Variants in NAV3 observed in about 807,000 individuals in gnomAD.
NAV3 encodes pore membrane and/or filament interacting like protein 1.
In NAV3, 87 loss-of-function variants were observed where a neutral mutation model predicts 244.7. The ratio of observed to expected loss-of-function variants is 0.36; its 90% confidence interval spans 0.30 to 0.42. The LOEUF is 0.42. Ranked by LOEUF, NAV3 falls within the 20% of genes least tolerant of loss-of-function variation. The probability of loss-of-function intolerance (pLI) is 1.00; values close to 1 mark genes in which losing one functional copy is unlikely to be tolerated. For missense variants in NAV3, 2,663 were observed against 2,893.3 expected, an observed-to-expected ratio of 0.92 and a Z score of 1.83; for synonymous variants, 1,126 against 1,042.2, an observed-to-expected ratio of 1.08 and a Z score of -1.55.
At chr12:77,953,992 A>G (rs970460592) in intron 3 of NAV3, among the ~76,000 whole-genome samples, 8 of 152,184 alleles carry the variant, frequency 5.3e-5, no homozygotes, top group African/African-American at 1.9e-4. Flanking sequence ...TGTCAGCAGT[A>G]CTGTACGTCT....
At chr12:77,935,522 T>A (rs1029659517) in intron 1 of NAV3, among the ~76,000 whole-genome samples, 3 of 152,206 alleles carry the variant, frequency 2.0e-5, no homozygotes, top group Non-Finnish European at 2.9e-5. Flanking sequence ...TTTACAATAT[T>A]TCTCATGGTT....
intron 12 of NAV3, among the ~76,000 whole-genome samples, chr12:78,092,978 G>A (rs1303936602): frequency 6.6e-6 from 1 of 152,054 alleles, no homozygotes; most frequent in Admixed American, 6.6e-5. Flanking sequence ...TAAATCCTCT[G>A]GGGAAACACG....
chr12:78,171,348 A>C (rs1957990416), intron 24 of NAV3, among the ~76,000 whole-genome samples: 1 of 151,734 alleles, frequency 6.6e-6, no homozygotes, highest in African/African-American at 2.4e-5. Flanking sequence ...AAGTCACTGA[A>C]GTGAAACTTG....
At chr12:77,943,280 T>C (rs1890044772) in intron 3 of NAV3, among the ~76,000 whole-genome samples, 1 of 152,162 alleles carries the variant, frequency 6.6e-6, no homozygotes, top group African/African-American at 2.4e-5. Flanking sequence ...TATTTCCACT[T>C]CTGATTAAAA....
At chr12:77,729,833 G>A (rs779898726) in intron 2 of NAV3, among the ~76,000 whole-genome samples, 2 of 151,816 alleles carry the variant, frequency 1.3e-5, no homozygotes, top group African/African-American at 4.8e-5. Flanking sequence ...ACAATAGAGG[G>A]CCTGAAAACA....
At chr12:78,208,834 C>G (rs1455409465) in intron 39 of NAV3, among the ~76,000 whole-genome samples, 5 of 152,078 alleles carry the variant, frequency 3.3e-5, no homozygotes, top group Non-Finnish European at 5.9e-5. Context: ...GCTCAAAACT[C>G]AGTTTTATTT....
chr12:77,598,417 T>C (rs1341919818), intron 2 of NAV3, among the ~76,000 whole-genome samples: 1 of 152,018 alleles, frequency 6.6e-6, no homozygotes, highest in Non-Finnish European at 1.5e-5. Flanking sequence ...TAAATCCTTC[T>C]ATATATGCTT....
chr12:77,872,355 C>T (rs931204988), intron 1 of NAV3, among the ~76,000 whole-genome samples: 4 of 151,756 alleles, frequency 2.6e-5, no homozygotes, highest in African/African-American at 9.7e-5. Flanking sequence ...GAAAAAAAAA[C>T]ATTAATGTCA....
At chr12:77,890,234 G>C (rs1187137772) in intron 1 of NAV3, among the ~76,000 whole-genome samples, 3 of 152,056 alleles carry the variant, frequency 2.0e-5, no homozygotes, top group African/African-American at 7.2e-5. Context: ...TGAGACGACA[G>C]GTGCCTGCCT....
At chr12:77,645,641 TTTTCTA>T (rs1357744423) in intron 2 of NAV3, among the ~76,000 whole-genome samples, 4 of 151,954 alleles carry the variant, frequency 2.6e-5, no homozygotes, top group Admixed American at 6.6e-5. Context: ...TAAACCTGCT[TTTTCTA>T]TTTCTGTTTG....
At chr12:77,738,387 G>A (rs138675190) in intron 2 of NAV3, among the ~76,000 whole-genome samples, 83 of 152,272 alleles carry the variant, frequency 5.5e-4, no homozygotes, top group Admixed American at 3.4e-3. Context: ...GGAGACACTA[G>A]ATGTAAAGCA....
chr12:77,637,255 T>TG (rs1872200089), intron 2 of NAV3, among the ~76,000 whole-genome samples: 2 of 151,946 alleles, frequency 1.3e-5, no homozygotes, highest in African/African-American at 4.8e-5. Flanking sequence ...CAGCAAAAAA[T>TG]TGACCATAGA....
chr12:78,044,379 T>G (rs1881403521), intron 9 of NAV3, among the ~76,000 whole-genome samples: 2 of 152,206 alleles, frequency 1.3e-5, no homozygotes, highest in South Asian at 4.1e-4. Context: ...CTTCCAGCTT[T>G]GTTCTTTTTC....
At chr12:77,662,352 C>T (rs1386541471) in intron 2 of NAV3, among the ~76,000 whole-genome samples, 4 of 151,850 alleles carry the variant, frequency 2.6e-5, no homozygotes, top group Non-Finnish European at 4.4e-5. Context: ...TAAATTTATT[C>T]TGAACTATTT....
At chr12:78,186,119 A>C (rs537055641) in intron 31 of NAV3, among the ~76,000 whole-genome samples, 5 of 151,962 alleles carry the variant, frequency 3.3e-5, no homozygotes, top group South Asian at 2.1e-4. Context: ...AGAAAGACAC[A>C]TGTTCTACTG....
At chr12:77,933,374 C>T (rs926384191) in intron 1 of NAV3, among the ~76,000 whole-genome samples, 1 of 152,054 alleles carries the variant, frequency 6.6e-6, no homozygotes. Context: ...ATAAAATTAA[C>T]AGCACTAGGT....
intron 12 of NAV3, among the ~76,000 whole-genome samples, chr12:78,064,266 G>C (rs1470472094): frequency 6.6e-6 from 1 of 152,138 alleles, no homozygotes; most frequent in African/African-American, 2.4e-5. Flanking sequence ...CTGGAGGCTA[G>C]AAGTTTATGA....
intron 1 of NAV3, among the ~76,000 whole-genome samples, chr12:77,844,676 T>C (rs1036566417): frequency 3.9e-5 from 6 of 152,230 alleles, no homozygotes; most frequent in African/African-American, 1.4e-4. Context: ...ATGGTTCTAT[T>C]AAATATTTTT....
intron 12 of NAV3, among the ~76,000 whole-genome samples, chr12:78,104,063 G>A (rs1954678153): frequency 6.6e-6 from 1 of 152,190 alleles, no homozygotes; most frequent in African/African-American, 2.4e-5. Flanking sequence ...GAATTAGAGA[G>A]CAGAATACAT....
Sources: gnomAD v4.1 joint callset for allele counts (sites outside exome capture counted in the v4.1 genomes callset) on GRCh38, gnomAD v4.1.1 for gene constraint, MANE v1.5 for transcripts, NCBI Gene and HGNC (gene_info 2026-07-23, HGNC 2026-07-21) for gene names.